LIN7C: variants seen among roughly 807,000 people sequenced by gnomAD.
LIN7C encodes protein lin-7 homolog C.
In LIN7C, 17 loss-of-function variants were observed where a neutral mutation model predicts 24.7. The ratio of observed to expected loss-of-function variants is 0.69; its 90% CI spans 0.47 to 1.03. The LOEUF is 1.03. Among genes scored for constraint, LIN7C ranks in the 50% least tolerant of loss-of-function variants. The pLI is 0.00. For synonymous variants in LIN7C, 90 were observed against 83.4 expected, an observed-to-expected ratio of 1.08 and a Z score of -0.43; for missense variants, 204 against 239.0, an observed-to-expected ratio of 0.85 and a Z score of 0.97.
intron 1 of LIN7C, among the ~76,000 whole-genome samples, chr11:27,505,905 G>A (rs1480448586): frequency 6.6e-6 from 1 of 152,164 alleles, no homozygotes; most frequent in Non-Finnish European, 1.5e-5. Context: ...GTGGAATGCT[G>A]GAAATCTGTA....
At position 27,503,418 on chromosome 11, in the gene LIN7C, G is replaced by A. The variant is rs77571746; in HGVS notation, c.38-1498C>T. Among the ~76,000 whole-genome samples, 140 of 152,160 alleles carry A rather than the reference G, an allele frequency of 9.2e-4. 2 individuals are homozygous for A. The East Asian group carries it at 0.025, about 27-fold the overall frequency. On this transcript the variant is annotated intron_variant, in intron 1 of 4. Transcript: ENST00000278193. ...GACTTAAGTAGAAGTTCCTGATTTC[G>A]TTACACTCAAGGACTGGAAATTTTT...
intron 3 of LIN7C, among the ~76,000 whole-genome samples, chr11:27,500,218 C>G (rs1865210420): frequency 6.6e-6 from 1 of 152,114 alleles, no homozygotes; most frequent in Admixed American, 6.6e-5. Context: ...AACCCCTTCC[C>G]CAGCATGCTA....
At chr11:27,505,024 T>C (rs1865262646) in intron 1 of LIN7C, among the ~76,000 whole-genome samples, 1 of 152,220 alleles carries the variant, frequency 6.6e-6, no homozygotes. Context: ...TTCCACATTT[T>C]GTGTTGCATT....
Position 27,498,808 on chromosome 11 carries a change from G to A in LIN7C, c.439-4C>T. On this transcript the variant is annotated splice_polypyrimidine_tract_variant and splice_region_variant and intron_variant, in intron 4 of 4. Transcript: ENST00000278193. Reference sequence around the variant, plus strand: ...CATGATGTTCTCCTTCAACACTCTAGGGGAAAAAAAAACAACCAACCATAC... The same window carrying A: ...CATGATGTTCTCCTTCAACACTCTAAGGGAAAAAAAAACAACCAACCATAC... The A allele has an allele frequency of 1.9e-6, 3 of 1,606,094 alleles. No individual in the cohort carries two copies. The highest frequency in any genetic ancestry group is 1.3e-5 in the African/African-American group (1 of 74,220).
intron 1 of LIN7C, among the ~76,000 whole-genome samples, chr11:27,505,938 G>A (rs573395823): frequency 2.0e-5 from 3 of 152,328 alleles, no homozygotes; most frequent in African/African-American, 7.2e-5. Flanking sequence ...ACGCTGGAAT[G>A]CTGGAAATCA....
At position 27,497,913 on chromosome 11, in the gene LIN7C, T is replaced by A. The variant is rs550033331; in HGVS notation, c.*736A>T. 2.5e-4 allele frequency: 38 copies of A among 152,166 alleles called. No homozygotes were observed. The highest frequency in any genetic ancestry group is 4.6e-4 in the Admixed American group (7 of 15,282). 9.4% of individuals were successfully genotyped at this position (152,166 alleles called of 1,614,324 possible). On this transcript the variant is annotated 3_prime_UTR_variant, in exon 5 of 5. Transcript: ENST00000278193. The stretch of plus-strand genomic sequence containing the variant: ...TGAACATAAATAGGGATGTAATAAG[T>A]AATGCTATCAATTACATCCTCTTGC...
intron 3 of LIN7C, among the ~76,000 whole-genome samples, chr11:27,500,807 T>C (rs1175532040): frequency 6.6e-6 from 1 of 152,202 alleles, no homozygotes; most frequent in African/African-American, 2.4e-5. Context: ...TCTCTGGTCT[T>C]TTCTACACTG....
rs1442309045 is a variant in LIN7C, at chr11:27,498,103, A to G, written c.*546T>C. The G allele has an allele frequency of 6.6e-6, 1 of 152,534 alleles. No individual in the cohort carries two copies. The highest frequency in any genetic ancestry group is 1.5e-5 in the Non-Finnish European group (1 of 68,312). 9.4% of individuals were successfully genotyped at this position (152,534 alleles called of 1,614,324 possible). Reference sequence around the variant, plus strand: ...AGTCATGATTTACCACTGGTTATATATATTATGTGTGTGTTCAAAGTACAA... The same window carrying G: ...AGTCATGATTTACCACTGGTTATATGTATTATGTGTGTGTTCAAAGTACAA... On this transcript the variant is annotated 3_prime_UTR_variant, in exon 5 of 5. Transcript: ENST00000278193.
chr11:27,496,209 G>A lies in LIN7C; in HGVS notation c.*2440C>T, dbSNP rs1865168430. 1 of 151,680 alleles carries A rather than the reference G, an allele frequency of 6.6e-6. No individual in the cohort carries two copies. The highest frequency in any genetic ancestry group is 2.1e-4 in the South Asian group (1 of 4,816). 9.4% of individuals were successfully genotyped at this position (151,680 alleles called of 1,614,324 possible). On this transcript the variant is annotated 3_prime_UTR_variant, in exon 5 of 5. Coordinates refer to ENST00000278193, the MANE Select transcript of LIN7C (RefSeq NM_018362.4). Reference sequence around the variant, plus strand: ...TTAGTTGTTATGGAATAGGACCCAGGTATCAATTTTTTAAAGCTCTGCCAG... The same window carrying A: ...TTAGTTGTTATGGAATAGGACCCAGATATCAATTTTTTAAAGCTCTGCCAG...
At position 27,495,361 on chromosome 11, in the gene LIN7C, G is replaced by C. The variant is rs1322752221; in HGVS notation, c.*3288C>G. On this transcript the variant is annotated 3_prime_UTR_variant, in exon 5 of 5. Transcript: ENST00000278193. ...CACACGCCTGTAGTCCTAGCTACTC[G>C]GGAGGCTGAGGCAGGAGAATTGCTT... 1 of 152,152 alleles carries C rather than the reference G, an allele frequency of 6.6e-6. No homozygotes were observed. Among genetic ancestry groups the C allele is most frequent in the African/African-American group, 2.4e-5 (1 of 41,366 alleles). 9.4% of individuals were successfully genotyped at this position (152,152 alleles called of 1,614,324 possible).
chr11:27,498,851 G>C, intron 4 of LIN7C, 47 bp from the exon 5 acceptor site: 1 of 1,539,276 alleles, frequency 6.5e-7, no homozygotes, highest in Non-Finnish European at 8.8e-7. Flanking sequence ...TCTAAGTTTT[G>C]AAAGTAACTC....
chr11:27,500,056 C>T (rs117465163), intron 3 of LIN7C, among the ~76,000 whole-genome samples: 1,666 of 152,260 alleles, frequency 0.011, 95 homozygotes, highest in Admixed American at 0.095. Flanking sequence ...TGAATAATTT[C>T]GAGTTATGCA....
rs139311286 is a variant in LIN7C at position 27,502,173 on chromosome 11, A to C, written c.38-253T>G. 2.5e-3 allele frequency among the ~76,000 whole-genome samples: 383 copies of C among 152,348 alleles called. 1 individual carries two copies. The highest frequency in any genetic ancestry group is 8.9e-3 in the African/African-American group (370 of 41,582). Reference sequence around the variant, plus strand: ...AAAACTACTGAGATTACAGAAGCATAAAATAAGACCTTGGAGAAACACAGG... The same window carrying C: ...AAAACTACTGAGATTACAGAAGCATCAAATAAGACCTTGGAGAAACACAGG... On this transcript the variant is annotated intron_variant, in intron 1 of 4. Coordinates refer to ENST00000278193, the MANE Select transcript of LIN7C (RefSeq NM_018362.4).
rs1865168309 is a variant in LIN7C at position 27,496,192 on chromosome 11, T to C, written c.*2457A>G. On this transcript the variant is annotated 3_prime_UTR_variant, in exon 5 of 5. Transcript: ENST00000278193. ...AAAAGGGTGATTTTGATTTAGTTGT[T>C]ATGGAATAGGACCCAGGTATCAATT... 1 of 152,016 alleles carries C rather than the reference T, an allele frequency of 6.6e-6. No homozygotes were observed. Among genetic ancestry groups the C allele is most frequent in the Non-Finnish European group, 1.5e-5 (1 of 68,006 alleles). 9.4% of individuals were successfully genotyped at this position (152,016 alleles called of 1,614,324 possible).
chr11:27,506,674 C>G (rs777531541), intron 1 of LIN7C, 42 bp downstream of exon 1: 3 of 1,611,182 alleles, frequency 1.9e-6, no homozygotes, highest in Admixed American at 1.7e-5. Context: ...AGCACTCCCC[C>G]AACCCTTCCG....
At chr11:27,505,389 A>G (rs1865269798) in intron 1 of LIN7C, among the ~76,000 whole-genome samples, 1 of 152,218 alleles carries the variant, frequency 6.6e-6, no homozygotes, top group African/African-American at 2.4e-5. Context: ...ACTAGCTTTC[A>G]AAGAAAAAAC....
chr11:27,506,465 G>A (rs1192174437), intron 1 of LIN7C, among the ~76,000 whole-genome samples: 1 of 152,190 alleles, frequency 6.6e-6, no homozygotes, highest in Non-Finnish European at 1.5e-5. Flanking sequence ...TCTGCGAAGC[G>A]GGCAGGTTGT....
chr11:27,506,762 T>C lies in LIN7C; in HGVS notation c.-10A>G. On this transcript the variant is annotated 5_prime_UTR_variant, in exon 1 of 5. Coordinates refer to ENST00000278193, the MANE Select transcript of LIN7C (RefSeq NM_018362.4). ...CCCCTAGCGCCGCCATCTTCTCCCT[T>C]AACCTACAGACCCACAGGAAATGAC... is the stretch of plus-strand genomic sequence containing the variant. 3.1e-6 allele frequency: 5 copies of C among 1,613,148 alleles called. No homozygotes were observed. Among genetic ancestry groups the C allele is most frequent in the Non-Finnish European group, 4.2e-6 (5 of 1,179,312 alleles).
In LIN7C at chr11:27,506,742, A is replaced by T; in HGVS notation, c.11T>A (p.Leu4Gln). 6.2e-7 allele frequency: 1 copy of T among 1,613,898 alleles called. No homozygotes were observed. The highest frequency in any genetic ancestry group is 1.6e-4 in the Middle Eastern group (1 of 6,062). Residue 4 changes from leucine (L) to glutamine (Q), a missense_variant, in exon 1 of 5, where the codon CTA (leucine) becomes CAA (glutamine). Around this residue, in one of 3 missense-constraint regions of LIN7C, gnomAD observed 126 missense variants for 117.8 expected, o/e 1.07. Coordinates refer to ENST00000278193, the MANE Select transcript of LIN7C (RefSeq NM_018362.4). ...TCTCTCCAGCCGCACGGGTTCCCCT[A>T]GCGCCGCCATCTTCTCCCTTAACCT... MAALGEPVRLERDI... is the reference protein window; with the variant it reads MAAQGEPVRLERDI...
Sources: allele counts gnomAD v4.1 joint callset (sites outside exome capture counted in the v4.1 genomes callset), GRCh38; gene constraint gnomAD v4.1.1; regional missense constraint gnomAD v4.1.1; transcripts MANE v1.5; gene names NCBI Gene and HGNC (gene_info 2026-07-23, HGNC 2026-07-21).